PRICKLE1: variants seen among roughly 807,000 people sequenced by gnomAD.
PRICKLE1 encodes prickle-like protein 1.
PRICKLE1 carries 14 observed loss-of-function variants against 70.2 expected under a neutral mutation model. The observed-to-expected ratio is 0.20, with a 90% CI of 0.13 to 0.31. The LOEUF is 0.31. PRICKLE1 is among the 10% of genes least tolerant of loss of function. PRICKLE1 has a pLI of 1.00. For synonymous variants in PRICKLE1, 357 were observed against 379.9 expected (o/e 0.94, Z 0.70); for missense variants, 821 against 1,026.2 (o/e 0.80, Z 2.73).
In PRICKLE1 at chr12:42,468,491, G is replaced by A; in HGVS notation, c.588+135C>T. 9.5e-6 allele frequency: 8 copies of A among 840,182 alleles called. No individual in the cohort carries two copies. In the South Asian group the frequency reaches 1.2e-4, roughly 13 times the overall value. 52.0% of individuals were successfully genotyped at this position (840,182 alleles called of 1,614,324 possible). On this transcript the variant is annotated intron_variant, in intron 5 of 7. Transcript: ENST00000345127. Reference sequence around the variant, plus strand: ...ATATAGATCATTTCATTGTATGAATGTACAGGATTATGTTTAAAACATGCA... The same window carrying A: ...ATATAGATCATTTCATTGTATGAATATACAGGATTATGTTTAAAACATGCA...
chr12:42,564,874 G>T (rs1940595911), intron 1 of PRICKLE1, among the ~76,000 whole-genome samples: 1 of 152,176 alleles, frequency 6.6e-6, no homozygotes, highest in Non-Finnish European at 1.5e-5. Flanking sequence ...ATAAAGAACA[G>T]TAACTCAATT....
At chr12:42,491,103 G>C (rs1939096412) in intron 1 of PRICKLE1, among the ~76,000 whole-genome samples, 1 of 150,664 alleles carries the variant, frequency 6.6e-6, no homozygotes, top group African/African-American at 2.4e-5. Context: ...TCGAACTCCT[G>C]ACCTCAGGGG....
chr12:42,509,675 A>G (rs1273567082), intron 1 of PRICKLE1, among the ~76,000 whole-genome samples: 1 of 152,068 alleles, frequency 6.6e-6, no homozygotes, highest in Non-Finnish European at 1.5e-5. Flanking sequence ...GTCCTTAATA[A>G]CAATAATAAT....
chr12:42,465,384 T>A, intron 6 of PRICKLE1, 126 bp from the exon 7 acceptor site: 1 of 823,654 alleles, frequency 1.2e-6, no homozygotes, highest in Admixed American at 2.8e-5. Context: ...GACACAGATA[T>A]AATTAATCCT....
chr12:42,540,009 A>G (rs1940083435), intron 1 of PRICKLE1, among the ~76,000 whole-genome samples: 1 of 152,222 alleles, frequency 6.6e-6, no homozygotes, highest in South Asian at 2.1e-4. Context: ...TCAGTACAAC[A>G]TAGACTCATT....
At chr12:42,575,643 G>A (rs1236431106) in intron 1 of PRICKLE1, among the ~76,000 whole-genome samples, 11 of 151,806 alleles carry the variant, frequency 7.2e-5, no homozygotes, top group Non-Finnish European at 1.6e-4. Flanking sequence ...GCAGTGAGCC[G>A]AGATAGTGCC....
At chr12:42,585,399 T>C (rs1940970879) in intron 1 of PRICKLE1, among the ~76,000 whole-genome samples, 1 of 152,094 alleles carries the variant, frequency 6.6e-6, no homozygotes, top group African/African-American at 2.4e-5. Flanking sequence ...AAAATGCATT[T>C]AGAGTTTAGT....
chr12:42,563,104 G>C (rs899415232), intron 1 of PRICKLE1, among the ~76,000 whole-genome samples: 20 of 151,712 alleles, frequency 1.3e-4, no homozygotes, highest in Middle Eastern at 6.8e-3. Context: ...AATTGCTAGA[G>C]TCCGGGAGAC....
chr12:42,536,299 TAAG>T (rs767619907), intron 1 of PRICKLE1, among the ~76,000 whole-genome samples: 14 of 152,138 alleles, frequency 9.2e-5, no homozygotes, highest in Admixed American at 1.3e-4. Context: ...GGATAGAATG[TAAG>T]GAGGGACACC....
intron 1 of PRICKLE1, among the ~76,000 whole-genome samples, chr12:42,494,807 TAAA>T (rs762488511): frequency 5.5e-5 from 5 of 90,536 alleles, no homozygotes; most frequent in Non-Finnish European, 4.5e-5. Flanking sequence ...ACTCTGTCTC[TAAA>T]AAAAAAAAAA....
intron 1 of PRICKLE1, among the ~76,000 whole-genome samples, chr12:42,539,222 T>C (rs112572060): frequency 0.066 from 10,109 of 152,060 alleles, 427 homozygotes; most frequent in Middle Eastern, 0.11. Context: ...AATCCCAGCA[T>C]TTTGGGAGGC....
intron 1 of PRICKLE1, among the ~76,000 whole-genome samples, chr12:42,559,885 G>A (rs1940477705): frequency 6.6e-6 from 1 of 151,704 alleles, no homozygotes; most frequent in African/African-American, 2.4e-5. Context: ...CATTCCAGGT[G>A]TGAAGTTTGG....
At chr12:42,503,384 C>A (rs942299943) in intron 1 of PRICKLE1, among the ~76,000 whole-genome samples, 3 of 152,168 alleles carry the variant, frequency 2.0e-5, no homozygotes, top group African/African-American at 7.2e-5. Context: ...ACTTCCCGCA[C>A]ACTCATTGTA....
chr12:42,470,905 C>CA (rs201660544), intron 2 of PRICKLE1, among the ~76,000 whole-genome samples: 286 of 113,480 alleles, frequency 2.5e-3, no homozygotes, highest in African/African-American at 4.2e-3. Flanking sequence ...GAATCCGTCT[C>CA]AAAAAAAAAA....
intron 3 of PRICKLE1, chr12:42,469,797 A>G (rs1938243969): frequency 1.6e-6 from 1 of 617,372 alleles, no homozygotes. Context: ...TTTTTTTTAA[A>G]TAAGAAATGT....
intron 1 of PRICKLE1, among the ~76,000 whole-genome samples, chr12:42,516,139 C>G (rs1367847880): frequency 6.7e-6 from 1 of 149,398 alleles, no homozygotes; most frequent in Non-Finnish European, 1.5e-5. Context: ...TCTTCTTTCA[C>G]TTTTTTTTTT....
At chr12:42,542,404 A>G (rs1469003201) in intron 1 of PRICKLE1, among the ~76,000 whole-genome samples, 1 of 152,170 alleles carries the variant, frequency 6.6e-6, no homozygotes, top group Non-Finnish European at 1.5e-5. Flanking sequence ...TAATCCCAGC[A>G]TTTTGGGAGG....
Position 42,549,119 on chromosome 12 carries a change from CAAAAAAAAAAAAAAA to C in PRICKLE1, c.-49+40331_-49+40345del, listed in dbSNP as rs34355848. On this transcript the variant is annotated intron_variant, in intron 1 of 7. Coordinates refer to ENST00000345127, the MANE Select transcript of PRICKLE1 (RefSeq NM_153026.3). ...GGGCAACAGAGTGAGACCCTGTCTC[CAAAAAAAAAAAAAAA>C]AAAAAAAAAACCTAGATAAAGATCA... Among the ~76,000 whole-genome samples the C allele has an allele frequency of 6.9e-3, 375 of 53,990 alleles. 2 individuals carry two copies. The highest frequency in any genetic ancestry group is 0.016 in the Admixed American group (68 of 4,176). The allele number at this position is 53,990 out of a possible 152,430, so 35.4% of individuals were successfully genotyped here.
intron 1 of PRICKLE1, among the ~76,000 whole-genome samples, chr12:42,571,818 C>G (rs935853422): frequency 1.3e-5 from 2 of 152,220 alleles, no homozygotes; most frequent in African/African-American, 2.4e-5. Context: ...TGCCCCAGTC[C>G]TGCCCCACTA....
Sources: allele counts gnomAD v4.1 joint callset (sites outside exome capture counted in the v4.1 genomes callset), GRCh38; gene constraint gnomAD v4.1.1; transcripts MANE v1.5; gene names NCBI Gene and HGNC (gene_info 2026-07-23, HGNC 2026-07-21).